The following COL22A1 variants were observed in gnomAD, a reference collection of about 807,000 sequenced individuals.
The protein encoded by COL22A1 is collagen alpha-1(XXII) chain.
In COL22A1, 221 loss-of-function variants were observed where a neutral mutation model predicts 248.9. The observed-to-expected ratio is 0.89, with a 90% CI of 0.80 to 0.99. The LOEUF (loss-of-function observed/expected upper bound fraction) is 0.99. Ranked by LOEUF, COL22A1 falls within the 50% of genes least tolerant of loss-of-function variation. COL22A1 has a pLI of 0.00. For missense variants in COL22A1, 2,240 were observed against 2,179.0 expected (o/e 1.03, Z -0.56); for synonymous variants, 891 against 793.4 (o/e 1.12, Z -2.07).
rs547343560 is a variant in COL22A1, at chr8:138,869,063, G to A, written c.658+8687C>T. On this transcript the variant is annotated intron_variant, in intron 3 of 64. Transcript: ENST00000303045. ...CTCTTCTTACAGATGAAGAGACCAGGAAGAGAAAGGTTACATAACTGTCCT... is the reference window on the plus strand; with the variant it reads ...CTCTTCTTACAGATGAAGAGACCAGAAAGAGAAAGGTTACATAACTGTCCT... Among the ~76,000 whole-genome samples the A allele has an allele frequency of 2.6e-5, 4 of 152,268 alleles. No homozygotes were observed. In the South Asian group the frequency reaches 8.3e-4, roughly 32 times the overall value.
intron 58 of COL22A1, among the ~76,000 whole-genome samples, chr8:138,605,247 T>C (rs1218066330): frequency 6.6e-6 from 1 of 152,132 alleles, no homozygotes; most frequent in African/African-American, 2.4e-5. Flanking sequence ...ATGAGAACAG[T>C]GGTTGTACCT....
intron 30 of COL22A1, among the ~76,000 whole-genome samples, chr8:138,706,560 G>A (rs1282690646): frequency 2.0e-5 from 3 of 152,238 alleles, no homozygotes; most frequent in Middle Eastern, 3.4e-3. Context: ...CAAAATGAAG[G>A]CAGAAATAAA....
intron 1 of COL22A1, among the ~76,000 whole-genome samples, chr8:138,912,959 A>G (rs1182939211): frequency 6.6e-6 from 1 of 152,124 alleles, no homozygotes; most frequent in African/African-American, 2.4e-5. Context: ...AACACAGCTA[A>G]TTCAAATCGT....
At chr8:138,912,856 G>A (rs757560836) in intron 1 of COL22A1, among the ~76,000 whole-genome samples, 1 of 152,172 alleles carries the variant, frequency 6.6e-6, no homozygotes, top group East Asian at 1.9e-4. Context: ...GCCGGCAGGC[G>A]GTGCCTCCTT....
chr8:138,882,767 C>T (rs539930547), intron 2 of COL22A1, among the ~76,000 whole-genome samples: 35 of 151,182 alleles, frequency 2.3e-4, no homozygotes, highest in East Asian at 6.0e-4. Context: ...CTCACTCCCT[C>T]GCACACTTCA....
chr8:138,739,067 A>C (rs1164292146), intron 22 of COL22A1, among the ~76,000 whole-genome samples: 1 of 152,132 alleles, frequency 6.6e-6, no homozygotes, highest in Non-Finnish European at 1.5e-5. Flanking sequence ...ACACTTGGCC[A>C]TTGCACTTTT....
intron 12 of COL22A1, among the ~76,000 whole-genome samples, chr8:138,785,254 G>A (rs766437341): frequency 2.0e-5 from 3 of 152,188 alleles, no homozygotes; most frequent in Admixed American, 6.5e-5. Context: ...GCCAGGAGAC[G>A]GTGGTGAGCA....
At chr8:138,860,772 C>T (rs1297585008) in intron 3 of COL22A1, among the ~76,000 whole-genome samples, 1 of 152,146 alleles carries the variant, frequency 6.6e-6, no homozygotes, top group Non-Finnish European at 1.5e-5. Flanking sequence ...GGCACCACTA[C>T]ACTCCAGCCT....
At chr8:138,761,963 C>T (rs1314260546) in intron 17 of COL22A1, among the ~76,000 whole-genome samples, 1 of 152,178 alleles carries the variant, frequency 6.6e-6, no homozygotes, top group Non-Finnish European at 1.5e-5. Context: ...TTGCAGACCC[C>T]TCACATCAGT....
intron 1 of COL22A1, among the ~76,000 whole-genome samples, chr8:138,887,482 G>T (rs893954326): frequency 6.6e-6 from 1 of 152,002 alleles, no homozygotes; most frequent in Non-Finnish European, 1.5e-5. Context: ...CCTCCCAAAG[G>T]GCTGGGATTA....
In COL22A1 at chr8:138,643,006, G is replaced by T. The variant is rs11984725; in HGVS notation, c.3501+3623C>A. Among the ~76,000 whole-genome samples the T allele has an allele frequency of 3.9e-3, 594 of 150,744 alleles. 4 individuals are homozygous for T. Among genetic ancestry groups the T allele is most frequent in the African/African-American group, 0.014 (580 of 40,864 alleles). On this transcript the variant is annotated intron_variant, in intron 47 of 64. Coordinates refer to ENST00000303045, the MANE Select transcript of COL22A1 (RefSeq NM_152888.3). ...ATTGCACCACTGCGCTCCAGCCTGG[G>T]CAACAGAGCAAGACTCTATCTTAAA...
At chr8:138,698,406 A>C (rs2130957906) in intron 32 of COL22A1, among the ~76,000 whole-genome samples, 1 of 152,310 alleles carries the variant, frequency 6.6e-6, no homozygotes, top group East Asian at 1.9e-4. Context: ...GTCACCTGTA[A>C]GATGGACACA....
At chr8:138,595,601 T>C (rs1317056552) in intron 62 of COL22A1, among the ~76,000 whole-genome samples, 1 of 152,206 alleles carries the variant, frequency 6.6e-6, no homozygotes, top group African/African-American at 2.4e-5. Flanking sequence ...AACGTGTGCT[T>C]CAGAAAACAG....
intron 47 of COL22A1, among the ~76,000 whole-genome samples, chr8:138,638,044 ATCATCATTG>A (rs1242275298): frequency 7.2e-5 from 11 of 151,962 alleles, no homozygotes; most frequent in African/African-American, 2.7e-4. Flanking sequence ...CATCCTCATC[ATCATCATTG>A]TCATCATTAT....
chr8:138,891,392 G>A (rs1825059332), intron 1 of COL22A1, among the ~76,000 whole-genome samples: 1 of 152,182 alleles, frequency 6.6e-6, no homozygotes, highest in Non-Finnish European at 1.5e-5. Flanking sequence ...CCCTAGTAAT[G>A]ACAGCTGGTC....
intron 62 of COL22A1, 108 bp downstream of exon 62, chr8:138,596,796 C>T (rs1036169116): frequency 5.4e-5 from 53 of 978,000 alleles, no homozygotes; most frequent in Non-Finnish European, 7.4e-5. Flanking sequence ...CTTGAGCTGC[C>T]GGTCAAGTGC....
At chr8:138,798,468 T>C (rs1191220377) in intron 11 of COL22A1, among the ~76,000 whole-genome samples, 2 of 152,238 alleles carry the variant, frequency 1.3e-5, no homozygotes, top group Admixed American at 1.3e-4. Flanking sequence ...CTCTAGAGTT[T>C]CTTATATGCA....
intron 43 of COL22A1, among the ~76,000 whole-genome samples, chr8:138,661,458 G>A (rs1823950077): frequency 6.6e-6 from 1 of 152,222 alleles, no homozygotes; most frequent in Admixed American, 6.5e-5. Flanking sequence ...TATGGATCAA[G>A]TACCTTCTAT....
chr8:138,735,893 G>C (rs1273448816), intron 23 of COL22A1, among the ~76,000 whole-genome samples: 1 of 152,182 alleles, frequency 6.6e-6, no homozygotes, highest in African/African-American at 2.4e-5. Context: ...GCCAACGAGG[G>C]ACGGACAGTG....
Sources: gnomAD v4.1 joint callset for allele counts (sites outside exome capture counted in the v4.1 genomes callset) on GRCh38, gnomAD v4.1.1 for gene constraint, MANE v1.5 for transcripts, NCBI Gene and HGNC (gene_info 2026-07-23, HGNC 2026-07-21) for gene names.